Variants in RPS6KA3 observed in about 807,000 individuals in gnomAD.
RPS6KA3 encodes ribosomal protein S6 kinase A3, also known as ribosomal protein S6 kinase alpha-3.
In RPS6KA3, 4 loss-of-function variants were observed where a neutral mutation model predicts 67.2. That is an observed-to-expected ratio of 0.06 (90% CI 0.03 to 0.14). The LOEUF (loss-of-function observed/expected upper bound fraction) is 0.14, where lower values mean the gene tolerates loss of function less well. Ranked by LOEUF, RPS6KA3 falls within the 10% of genes least tolerant of loss-of-function variation. The probability of loss-of-function intolerance (pLI) is 1.00; values close to 1 mark genes in which losing one functional copy is unlikely to be tolerated. For missense variants in RPS6KA3, 204 were observed against 559.0 expected, an observed-to-expected ratio of 0.36 and a Z score of 6.40; for synonymous variants, 182 against 183.7, an observed-to-expected ratio of 0.99 and a Z score of 0.07.
intron 2 of RPS6KA3, among the ~76,000 whole-genome samples, chrX:20,228,597 A>C (rs1603430028): frequency 9.0e-6 from 1 of 110,822 alleles, no homozygotes; most frequent in African/African-American, 3.3e-5. Flanking sequence ...AGGATCTAGA[A>C]ACTCTTTATA....
chrX:20,200,610 TTTTA>T (rs751631772), intron 4 of RPS6KA3, among the ~76,000 whole-genome samples: 76 of 112,282 alleles, frequency 6.8e-4, no homozygotes, highest in African/African-American at 2.3e-3. Context: ...ATTTTTGTAA[TTTTA>T]TTTAAGATAC....
At chrX:20,166,958 TCCACCCACCTTGG>T (rs1473554947) in intron 17 of RPS6KA3, among the ~76,000 whole-genome samples, 1 of 110,678 alleles carries the variant, frequency 9.0e-6, no homozygotes, top group Non-Finnish European at 1.9e-5. Flanking sequence ...CCTCAGGTGA[TCCACCCACCTTGG>T]CCTCCCAAAG....
At position 20,156,151 on chromosome X, in the gene RPS6KA3, T is replaced by C. The variant is rs2067183788; in HGVS notation, c.2058A>G (p.Pro686=). The C allele has an allele frequency of 8.3e-7, 1 of 1,209,199 alleles. No individual in the cohort carries two copies. The highest frequency in any genetic ancestry group is 3.0e-5 in the East Asian group (1 of 33,769). ...CATCCTGTCTGTTTAGTTGGTATTG[T>C]GGCAGTTGGTCCCAGTGGACGATCC... ...HPWIVHWDQL[P]QYQLNRQDAP... Residue 686 remains proline (P), a synonymous_variant, in exon 21 of 22, where the codon CCA becomes CCG. Transcript: ENST00000379565.
chrX:20,190,841 T>C (rs1336128601), intron 7 of RPS6KA3, among the ~76,000 whole-genome samples: 2 of 111,267 alleles, frequency 1.8e-5, no homozygotes, highest in Non-Finnish European at 3.8e-5. Context: ...TCTTCCTGTG[T>C]TAATACAGAA....
At chrX:20,257,026 A>C (rs2070090751) in intron 1 of RPS6KA3, among the ~76,000 whole-genome samples, 1 of 112,209 alleles carries the variant, frequency 8.9e-6, no homozygotes, top group African/African-American at 3.2e-5. Flanking sequence ...AATCTGTGAG[A>C]CTTGGGTTTG....
chrX:20,235,593 CT>C (rs1310639621), intron 1 of RPS6KA3: 1 of 110,850 alleles, frequency 9.0e-6, no homozygotes, highest in African/African-American at 3.3e-5. Context: ...CCAAAGACAC[CT>C]TTTGCCTTTC....
chrX:20,252,290 A>G (rs986305976), intron 1 of RPS6KA3, among the ~76,000 whole-genome samples: 1 of 112,233 alleles, frequency 8.9e-6, no homozygotes, highest in Non-Finnish European at 1.9e-5. Context: ...GAATTATCAC[A>G]GTGATGATGT....
At chrX:20,249,521 T>G in intron 1 of RPS6KA3, among the ~76,000 whole-genome samples, 1 of 112,140 alleles carries the variant, frequency 8.9e-6, no homozygotes, top group East Asian at 2.8e-4. Flanking sequence ...TAGTGATACC[T>G]CATCATGTTT....
intron 10 of RPS6KA3, among the ~76,000 whole-genome samples, chrX:20,184,567 G>C (rs1248349080): frequency 9.3e-6 from 1 of 107,923 alleles, no homozygotes; most frequent in Admixed American, 1.0e-4. Flanking sequence ...CACCACATCT[G>C]GCTAATTTTT....
chrX:20,261,758 T>C (rs1215411179), intron 1 of RPS6KA3, among the ~76,000 whole-genome samples: 1 of 111,819 alleles, frequency 8.9e-6, no homozygotes, highest in African/African-American at 3.3e-5. Context: ...TTAAATAGGG[T>C]AGTTTTTCTT....
chrX:20,266,712 A>G lies in RPS6KA3; in HGVS notation c.-80T>C, dbSNP rs1290932611. On this transcript the variant is annotated 5_prime_UTR_variant, in exon 1 of 22. Coordinates refer to ENST00000379565, the MANE Select transcript of RPS6KA3 (RefSeq NM_004586.3). The stretch of plus-strand genomic sequence containing the variant: ...GCCGGCCCCGCTCCGTCGCCGCCCG[A>G]GCCCCACGGCAGCGGCGGCGGCGGC... The G allele has an allele frequency of 1.3e-4, 82 of 654,709 alleles. No individual in the cohort carries two copies. The Admixed American group carries it at 3.1e-3, about 25-fold the overall frequency. The allele number at this position is 654,709 out of a possible 1,213,427, so 54.0% of individuals were successfully genotyped here. A position where few individuals can be genotyped will look rare whatever the true frequency, so the allele number is the denominator to read the frequency against.
At chrX:20,165,529 G>C (rs2067412415) in intron 17 of RPS6KA3, among the ~76,000 whole-genome samples, 1 of 111,212 alleles carries the variant, frequency 9.0e-6, no homozygotes, top group Non-Finnish European at 1.9e-5. Flanking sequence ...ACTTTAAATA[G>C]GGCAGTCAGG....
chrX:20,190,803 T>C (rs988433511), intron 7 of RPS6KA3, among the ~76,000 whole-genome samples: 8 of 110,875 alleles, frequency 7.2e-5, no homozygotes, highest in African/African-American at 2.6e-4. Context: ...AATGATCACT[T>C]AGAAGAGTTC....
rs371379236 is a variant in RPS6KA3, at chrX:20,164,398, T to G, written c.1764+501A>C. Reference sequence around the variant, plus strand: ...AGACTGAAGGGTTGTTTTTTTTTTTTTTTTTTGAGAGGGGTTCTTGCTTTG... The same window carrying G: ...AGACTGAAGGGTTGTTTTTTTTTTTGTTTTTTGAGAGGGGTTCTTGCTTTG... On this transcript the variant is annotated intron_variant, in intron 18 of 21. Transcript: ENST00000379565. Among the ~76,000 whole-genome samples the G allele has an allele frequency of 8.4e-5, 9 of 106,716 alleles. No homozygotes were observed. The East Asian group carries it at 1.2e-3, about 14-fold the overall frequency. 92.7% of individuals were successfully genotyped at this position (106,716 alleles called of 115,157 possible).
chrX:20,256,200 GA>G (rs1324355948), intron 1 of RPS6KA3, among the ~76,000 whole-genome samples: 95 of 56,191 alleles, frequency 1.7e-3, no homozygotes, highest in Non-Finnish European at 2.4e-3. Flanking sequence ...AAAAAAAAAA[GA>G]AAAAAAAAAG....
intron 4 of RPS6KA3, among the ~76,000 whole-genome samples, chrX:20,199,326 CA>C (rs1452680784): frequency 5.5e-4 from 61 of 111,685 alleles, no homozygotes; most frequent in African/African-American, 1.9e-3. Context: ...GAGAAGGGTA[CA>C]GGGGGTTCAC....
At chrX:20,194,996 T>G (rs958686486) in intron 5 of RPS6KA3, 69 bp downstream of exon 5, 2 of 620,599 alleles carry the variant, frequency 3.2e-6, no homozygotes, top group Non-Finnish European at 5.5e-6. Context: ...TATATTAGTT[T>G]ATCTGAATGT....
intron 1 of RPS6KA3, among the ~76,000 whole-genome samples, chrX:20,240,150 G>A (rs1403859491): frequency 2.8e-5 from 3 of 109,013 alleles, no homozygotes; most frequent in Non-Finnish European, 5.8e-5. Context: ...TGAAATGGAC[G>A]TACGGACATT....
chrX:20,191,036 A>T (rs1168922736), intron 7 of RPS6KA3, among the ~76,000 whole-genome samples: 1 of 110,144 alleles, frequency 9.1e-6, no homozygotes, highest in Non-Finnish European at 1.9e-5. Context: ...CTAACTCCTG[A>T]CAGGCCCCGG....
Sources: allele counts gnomAD v4.1 joint callset (sites outside exome capture counted in the v4.1 genomes callset), GRCh38; gene constraint gnomAD v4.1.1; transcripts MANE v1.5; gene names NCBI Gene and HGNC (gene_info 2026-07-23, HGNC 2026-07-21).